The following TCAIM variants were observed in gnomAD, a reference collection of about 807,000 sequenced individuals.
TCAIM encodes T-cell activation inhibitor, mitochondrial.
A neutral mutation model predicts 58.6 loss-of-function variants in TCAIM; 36 were observed. The ratio of observed to expected loss-of-function variants is 0.61; its 90% CI spans 0.47 to 0.81. The LOEUF (loss-of-function observed/expected upper bound fraction) is 0.81. Among genes scored for constraint, TCAIM ranks in the 30% least tolerant of loss-of-function variants. The probability of loss-of-function intolerance (pLI) is 0.00; values close to 1 mark genes in which losing one functional copy is unlikely to be tolerated. For missense variants in TCAIM, 466 were observed against 579.6 expected (o/e 0.80, Z 2.01); for synonymous variants, 172 against 193.6 (o/e 0.89, Z 0.93).
chr3:44,341,132 A>T (rs1700847169), intron 1 of TCAIM: 1 of 152,224 alleles, frequency 6.6e-6, no homozygotes, highest in South Asian at 2.1e-4. Context: ...TTTCCTCTAG[A>T]AATATGAATT....
At chr3:44,354,865 A>G in intron 2 of TCAIM, 54 bp downstream of exon 2, 1 of 1,567,428 alleles carries the variant, frequency 6.4e-7, no homozygotes, top group Non-Finnish European at 8.7e-7. Flanking sequence ...GAGGTCTGTT[A>G]TGCATTTGGT....
At chr3:44,383,338 G>T (rs1250604762) in intron 5 of TCAIM, among the ~76,000 whole-genome samples, 2 of 152,152 alleles carry the variant, frequency 1.3e-5, no homozygotes, top group East Asian at 3.9e-4. Context: ...AGCAAAATTT[G>T]ATATACTCCT....
intron 3 of TCAIM, among the ~76,000 whole-genome samples, chr3:44,360,574 C>A (rs1305188423): frequency 6.7e-6 from 1 of 149,568 alleles, no homozygotes; most frequent in African/African-American, 2.4e-5. Flanking sequence ...TTACCCAGTT[C>A]CTATTCACTT....
In TCAIM at chr3:44,372,004, A is replaced by G. The variant is rs9848928; in HGVS notation, c.572+4296A>G. Among the ~76,000 whole-genome samples, 647 of 139,918 alleles carry G rather than the reference A, an allele frequency of 4.6e-3. 10 individuals carry two copies. Among genetic ancestry groups the G allele is most frequent in the African/African-American group, 0.017 (586 of 35,062 alleles). The allele number at this position is 139,918 out of a possible 152,430, so 91.8% of individuals were successfully genotyped here. ...AGTAATAGAGAGAGAGAGAGAGAGA[A>G]AGAGAGAAGGAAGGAAGGAAGGAAG... is the stretch of plus-strand genomic sequence containing the variant. On this transcript the variant is annotated intron_variant, in intron 5 of 10. Coordinates refer to ENST00000342649, the MANE Select transcript of TCAIM (RefSeq NM_173826.4).
intron 5 of TCAIM, among the ~76,000 whole-genome samples, chr3:44,380,325 A>G (rs1222661052): frequency 6.6e-6 from 1 of 152,202 alleles, no homozygotes; most frequent in Non-Finnish European, 1.5e-5. Context: ...TGATGGATAT[A>G]CCAATTACAC....
At chr3:44,404,286 C>T (rs533538735) in intron 10 of TCAIM, among the ~76,000 whole-genome samples, 4 of 152,244 alleles carry the variant, frequency 2.6e-5, no homozygotes, top group Non-Finnish European at 5.9e-5. Context: ...TTTGCTGTTT[C>T]CTTATTAATG....
intron 10 of TCAIM, among the ~76,000 whole-genome samples, chr3:44,406,894 A>ATGG (rs1702109362): frequency 6.6e-6 from 1 of 152,168 alleles, no homozygotes; most frequent in South Asian, 2.1e-4. Context: ...TGTAGACCTG[A>ATGG]ACTGAAGCCC....
intron 3 of TCAIM, chr3:44,358,109 T>C (rs1290068247): frequency 2.8e-6 from 4 of 1,441,308 alleles, no homozygotes; most frequent in Non-Finnish European, 3.6e-6. Context: ...TTTAGAGTAC[T>C]AGTAATCATG....
intron 5 of TCAIM, 27 bp from the exon 6 acceptor site, chr3:44,392,828 G>A (rs780570861): frequency 1.3e-6 from 2 of 1,596,098 alleles, no homozygotes; most frequent in South Asian, 1.1e-5. Context: ...AGTTAGTATT[G>A]TAAAGTATGT....
In TCAIM at chr3:44,353,255, C is replaced by T. The variant is rs1372072014; in HGVS notation, c.-44-1484C>T. Among the ~76,000 whole-genome samples, 4 of 152,130 alleles carry T rather than the reference C, an allele frequency of 2.6e-5. No individual in the cohort carries two copies. The East Asian group carries it at 7.7e-4, about 29-fold the overall frequency. ...AACTTAGTAGTATCCAGTTAAGTTT[C>T]CTCCCTGACTTTTTTTTAGCCTGAA... On this transcript the variant is annotated intron_variant, in intron 1 of 10. Transcript: ENST00000342649.
At chr3:44,394,919 AAAATATATATATATATATATATAT>A (rs1701905751) in intron 6 of TCAIM, among the ~76,000 whole-genome samples, 6 of 28,524 alleles carry the variant, frequency 2.1e-4, no homozygotes, top group African/African-American at 6.5e-4. Context: ...AAAAAAAAAA[AAAATATATATATATATATATATAT>A]ATATATATAT....
intron 1 of TCAIM, among the ~76,000 whole-genome samples, chr3:44,351,071 C>T (rs1019865393): frequency 1.3e-5 from 2 of 152,166 alleles, no homozygotes; most frequent in African/African-American, 4.8e-5. Flanking sequence ...GGTGCGATCT[C>T]GGCTCACTGC....
intron 5 of TCAIM, among the ~76,000 whole-genome samples, chr3:44,385,680 T>G (rs1322272478): frequency 2.6e-5 from 4 of 152,016 alleles, no homozygotes; most frequent in African/African-American, 9.7e-5. Flanking sequence ...GAGGCGGAGG[T>G]TGCAGTGAGC....
intron 1 of TCAIM, among the ~76,000 whole-genome samples, chr3:44,352,781 C>G (rs756961724): frequency 7.9e-5 from 12 of 152,106 alleles, no homozygotes; most frequent in Non-Finnish European, 1.2e-4. Context: ...TGAGCTCTGC[C>G]TGTTCATCCC....
chr3:44,363,922 T>C lies in TCAIM; in HGVS notation c.319+2404T>C, dbSNP rs909948739. Among the ~76,000 whole-genome samples the C allele has an allele frequency of 5.2e-3, 184 of 35,536 alleles. 2 individuals carry two copies. Among genetic ancestry groups the C allele is most frequent in the African/African-American group, 0.012 (179 of 14,328 alleles). 23.3% of individuals were successfully genotyped at this position (35,536 alleles called of 152,430 possible). On this transcript the variant is annotated intron_variant, in intron 4 of 10. Coordinates refer to ENST00000342649, the MANE Select transcript of TCAIM (RefSeq NM_173826.4). Reference sequence around the variant, plus strand: ...ACTGGACAACACAGCAAGTCTGTCTTTTTTTTTTTTTTTTTTTTTTTTTTT... The same window carrying C: ...ACTGGACAACACAGCAAGTCTGTCTCTTTTTTTTTTTTTTTTTTTTTTTTT...
intron 5 of TCAIM, 86 bp downstream of exon 5, chr3:44,367,794 T>A (rs1701405293): frequency 7.5e-7 from 1 of 1,336,498 alleles, no homozygotes; most frequent in Non-Finnish European, 9.9e-7. Flanking sequence ...AACATTTTTT[T>A]ATAAATAAAA....
chr3:44,349,654 C>T (rs184450685), intron 1 of TCAIM, among the ~76,000 whole-genome samples: 12 of 152,190 alleles, frequency 7.9e-5, no homozygotes, highest in Non-Finnish European at 1.0e-4. Flanking sequence ...AGGCAGGCGT[C>T]CCCACAGTGA....
chr3:44,405,019 A>C (rs750728025), intron 10 of TCAIM, among the ~76,000 whole-genome samples: 11 of 152,060 alleles, frequency 7.2e-5, no homozygotes, highest in Non-Finnish European at 1.5e-4. Context: ...TGTACAACCC[A>C]CATGACCATC....
At chr3:44,390,812 AAAT>A (rs974922724) in intron 5 of TCAIM, among the ~76,000 whole-genome samples, 5 of 152,174 alleles carry the variant, frequency 3.3e-5, no homozygotes, top group Admixed American at 6.5e-5. Context: ...CTCTACAAAA[AAAT>A]AATAAGAAGA....
Sources: gnomAD v4.1 joint callset for allele counts (sites outside exome capture counted in the v4.1 genomes callset) on GRCh38, gnomAD v4.1.1 for gene constraint, MANE v1.5 for transcripts, NCBI Gene and HGNC (gene_info 2026-07-23, HGNC 2026-07-21) for gene names.